The following OPRM1 variants were observed in gnomAD, a reference collection of about 807,000 sequenced individuals.
The protein encoded by OPRM1 is opioid receptor mu 1, also known as mu-type opioid receptor.
A neutral mutation model predicts 31.8 loss-of-function variants in OPRM1; 27 were observed. The ratio of observed to expected loss-of-function variants is 0.85; its 90% CI spans 0.63 to 1.17. The LOEUF is 1.17. Ranked by LOEUF, OPRM1 falls within the 50% of genes most tolerant of loss-of-function variation. The probability of loss-of-function intolerance (pLI) is 0.00; values close to 1 mark genes in which losing one functional copy is unlikely to be tolerated. For missense variants in OPRM1, 536 were observed against 511.1 expected (o/e 1.05, Z -0.47); for synonymous variants, 196 against 189.9 (o/e 1.03, Z -0.26).
chr6:154,152,260 AAAGAAAGAAAAAGAAAAGGAAAG>A (rs1798523334), intron 3 of OPRM1, among the ~76,000 whole-genome samples: 2 of 131,206 alleles, frequency 1.5e-5, no homozygotes, highest in South Asian at 4.2e-4. Context: ...GAAAGAAAAG[AAAGAAAGAAAAAGAAAAGGAAAG>A]AAAAGGAAGA....
intron 1 of OPRM1, among the ~76,000 whole-genome samples, chr6:154,047,520 G>A (rs997162561): frequency 2.0e-5 from 3 of 151,532 alleles, no homozygotes; most frequent in Non-Finnish European, 4.4e-5. Flanking sequence ...TTTGCCTTTA[G>A]GTATTAGTCC....
chr6:154,065,531 T>C (rs1785222640), intron 1 of OPRM1, among the ~76,000 whole-genome samples: 2 of 152,168 alleles, frequency 1.3e-5, no homozygotes. Flanking sequence ...CTATCATAAA[T>C]TAAACTATTT....
At chr6:154,206,690 A>T (rs931602155) in intron 3 of OPRM1, among the ~76,000 whole-genome samples, 3 of 152,236 alleles carry the variant, frequency 2.0e-5, no homozygotes, top group African/African-American at 7.2e-5. Flanking sequence ...AGGACTAGAG[A>T]TGTTCTCATG....
At chr6:154,050,152 GA>G (rs1781909445) in intron 1 of OPRM1, among the ~76,000 whole-genome samples, 1 of 152,078 alleles carries the variant, frequency 6.6e-6, no homozygotes, top group Non-Finnish European at 1.5e-5. Context: ...TTTACTGGAA[GA>G]CTTTTTATTA....
At chr6:154,089,547 A>G (rs1186678812) in intron 1 of OPRM1, among the ~76,000 whole-genome samples, 1 of 146,896 alleles carries the variant, frequency 6.8e-6, no homozygotes, top group Non-Finnish European at 1.5e-5. Context: ...TGTTCATACC[A>G]TTACACTCCA....
intron 1 of OPRM1, among the ~76,000 whole-genome samples, chr6:154,029,893 A>G (rs549271732): frequency 2.6e-5 from 4 of 152,308 alleles, no homozygotes; most frequent in Non-Finnish European, 5.9e-5. Context: ...CCCGTCTGCC[A>G]TGATTTTAAG....
chr6:154,111,379 T>A (rs746546073), intron 3 of OPRM1, among the ~76,000 whole-genome samples: 1 of 152,212 alleles, frequency 6.6e-6, no homozygotes, highest in Non-Finnish European at 1.5e-5. Context: ...AAGCCTGTTA[T>A]TGCCTTCAAT....
chr6:154,209,884 G>A (rs1777827197), intron 3 of OPRM1, among the ~76,000 whole-genome samples: 1 of 152,136 alleles, frequency 6.6e-6, no homozygotes, highest in East Asian at 1.9e-4. Flanking sequence ...TTTAGAAAAT[G>A]TTAGCATTAA....
chr6:154,105,166 C>T lies in OPRM1; in HGVS notation c.1165-13517C>T, dbSNP rs189327946. 5.1e-3 allele frequency among the ~76,000 whole-genome samples: 769 copies of T among 152,268 alleles called. 7 individuals are homozygous for T. Among genetic ancestry groups the T allele is most frequent in the African/African-American group, 0.018 (741 of 41,534 alleles). ...TATGCCTATGCAAATAACTATACTACCATAAGTTAAGAATACTCACAACTA... is the reference window on the plus strand; with the variant it reads ...TATGCCTATGCAAATAACTATACTATCATAAGTTAAGAATACTCACAACTA... On this transcript the variant is annotated intron_variant, in intron 3 of 3. Transcript: ENST00000330432.
At chr6:154,148,171 GCA>G in intron 3 of OPRM1, among the ~76,000 whole-genome samples, 1 of 152,168 alleles carries the variant, frequency 6.6e-6, no homozygotes, top group Non-Finnish European at 1.5e-5. Context: ...GGGATCCCAT[GCA>G]TAGATCAAAC....
At chr6:154,039,188 G>C (rs1312664080), upstream of OPRM1, 2 of 1,551,536 alleles carry the variant, frequency 1.3e-6, no homozygotes, top group Admixed American at 3.9e-5. Flanking sequence ...AGTGCCCAGT[G>C]AAGAGACCTA....
chr6:154,175,461 T>A (rs971135107), intron 3 of OPRM1, among the ~76,000 whole-genome samples: 2 of 144,904 alleles, frequency 1.4e-5, no homozygotes, highest in Non-Finnish European at 1.5e-5. Context: ...AAGAATCAAA[T>A]AGACACAATA....
At chr6:154,109,082 A>T in intron 3 of OPRM1, 2 of 969,022 alleles carry the variant, frequency 2.1e-6, no homozygotes, top group Non-Finnish European at 2.5e-6. Context: ...TGTTAGCCTC[A>T]CTCTAATAGA....
chr6:154,046,959 G>A (rs1222487194), intron 1 of OPRM1: 2 of 152,228 alleles, frequency 1.3e-5, no homozygotes, highest in Admixed American at 1.3e-4. Context: ...AACAATCGTG[G>A]TTGCCATTCC....
At chr6:154,164,548 T>C (rs1378183260) in intron 3 of OPRM1, among the ~76,000 whole-genome samples, 1 of 152,176 alleles carries the variant, frequency 6.6e-6, no homozygotes, top group African/African-American at 2.4e-5. Context: ...TTTCACAACA[T>C]CCGCTCTGCT....
At chr6:154,137,788 G>A (rs1798095608) in intron 3 of OPRM1, among the ~76,000 whole-genome samples, 1 of 152,194 alleles carries the variant, frequency 6.6e-6, no homozygotes, top group African/African-American at 2.4e-5. Context: ...TAAAATAGAA[G>A]TATGAAATCG....
At chr6:154,110,865 C>T (rs954778121) in intron 3 of OPRM1, among the ~76,000 whole-genome samples, 22 of 112,138 alleles carry the variant, frequency 2.0e-4, no homozygotes, top group Middle Eastern at 0.011. Flanking sequence ...CCAGCCTGGG[C>T]GACAAAGCGA....
chr6:154,091,596 T>A, intron 3 of OPRM1, 124 bp downstream of exon 3: 1 of 1,443,402 alleles, frequency 6.9e-7, no homozygotes. Flanking sequence ...GGAAGCAAAT[T>A]GTGGTTCTAG....
At chr6:154,230,713 C>T (rs576477619) in intron 3 of OPRM1, among the ~76,000 whole-genome samples, 8 of 152,172 alleles carry the variant, frequency 5.3e-5, no homozygotes, top group Non-Finnish European at 8.8e-5. Flanking sequence ...TTCAATGAAA[C>T]CATAGTTCCT....
Sources: gnomAD v4.1 joint callset for allele counts (sites outside exome capture counted in the v4.1 genomes callset) on GRCh38, gnomAD v4.1.1 for gene constraint, MANE v1.5 for transcripts, NCBI Gene and HGNC (gene_info 2026-07-23, HGNC 2026-07-21) for gene names.